SGCZ: variants seen among roughly 807,000 people sequenced by gnomAD.
The protein encoded by SGCZ is sarcoglycan zeta.
Under a neutral mutation model 41.3 loss-of-function variants are expected in SGCZ, and 40 were observed. The ratio of observed to expected loss-of-function variants is 0.97; its 90% CI spans 0.75 to 1.26. The LOEUF (loss-of-function observed/expected upper bound fraction) is 1.26, where lower values mean the gene tolerates loss of function less well. SGCZ is among the 50% of genes most tolerant of loss of function. The pLI, the probability that SGCZ is intolerant of heterozygous loss-of-function variation, is 0.00. For missense variants in SGCZ, 552 were observed against 369.8 expected (o/e 1.49, Z -4.04); for synonymous variants, 206 against 137.5 (o/e 1.50, Z -3.49).
At position 14,086,451 on chromosome 8, in the gene SGCZ, C is replaced by T. The variant is rs186018172; in HGVS notation, c.*3992G>A. On this transcript the variant is annotated 3_prime_UTR_variant, in exon 8 of 8. Transcript: ENST00000382080. ...CGAGGCATTCTCTGATTGAGTCATT[C>T]GATAGAATATGTAGGAATTTTGAAT... 1.2e-4 allele frequency among the ~76,000 whole-genome samples: 18 copies of T among 151,514 alleles called. No homozygotes were observed. The highest frequency in any genetic ancestry group is 1.8e-4 in the Non-Finnish European group (12 of 67,658).
At chr8:14,622,807 T>G (rs76793094) in intron 1 of SGCZ, among the ~76,000 whole-genome samples, 1,554 of 152,332 alleles carry the variant, frequency 0.01, 29 homozygotes, top group African/African-American at 0.036. Flanking sequence ...ATGTTATTAG[T>G]GGCTTCCAGT....
chr8:14,913,364 A>G (rs1563358617), intron 1 of SGCZ, among the ~76,000 whole-genome samples: 1 of 152,090 alleles, frequency 6.6e-6, no homozygotes, highest in African/African-American at 2.4e-5. Flanking sequence ...TCACAACTAT[A>G]TGGTCTTAGA....
intron 1 of SGCZ, among the ~76,000 whole-genome samples, chr8:14,823,055 TAAAAAAAAAAA>T (rs34307530): frequency 1.3e-5 from 1 of 75,488 alleles, no homozygotes; most frequent in Non-Finnish European, 2.6e-5. Context: ...CCAATCCTCA[TAAAAAAAAAAA>T]AAAAAAAAAA....
intron 2 of SGCZ, among the ~76,000 whole-genome samples, chr8:14,521,950 G>C (rs534313135): frequency 2.0e-5 from 3 of 152,172 alleles, no homozygotes; most frequent in East Asian, 3.9e-4. Flanking sequence ...CTCCTTTTCT[G>C]AGAGGCTTAA....
chr8:14,697,455 A>C (rs561136893), intron 1 of SGCZ, among the ~76,000 whole-genome samples: 48 of 152,108 alleles, frequency 3.2e-4, no homozygotes, highest in Non-Finnish European at 5.9e-4. Flanking sequence ...CACTTACAAT[A>C]CATTTGCATA....
chr8:14,803,370 C>A (rs920912005), intron 1 of SGCZ, among the ~76,000 whole-genome samples: 1 of 152,032 alleles, frequency 6.6e-6, no homozygotes, highest in Non-Finnish European at 1.5e-5. Flanking sequence ...AGTGGGTGCG[C>A]GCACCATGCG....
intron 1 of SGCZ, among the ~76,000 whole-genome samples, chr8:14,759,008 CAAA>C (rs760673509): frequency 8.9e-6 from 1 of 112,502 alleles, no homozygotes; most frequent in Non-Finnish European, 1.9e-5. Context: ...AACTCCATCT[CAAA>C]AAAAAAAAAA....
intron 1 of SGCZ, among the ~76,000 whole-genome samples, chr8:15,145,080 A>G (rs561432): frequency 0.96 from 145,924 of 152,174 alleles, 70,240 homozygotes; most frequent in East Asian, 1. Context: ...GATTGCACAG[A>G]GTCACAAGAC....
chr8:14,584,471 G>C (rs572646840), intron 1 of SGCZ, among the ~76,000 whole-genome samples: 182 of 152,222 alleles, frequency 1.2e-3, no homozygotes, highest in African/African-American at 4.2e-3. Context: ...AGGAATTTGA[G>C]CTAGTGACTA....
At chr8:14,733,534 A>G (rs182018581) in intron 1 of SGCZ, among the ~76,000 whole-genome samples, 2 of 152,308 alleles carry the variant, frequency 1.3e-5, no homozygotes, top group Non-Finnish European at 2.9e-5. Context: ...AAGAAGAAAA[A>G]TCCACTACTA....
intron 2 of SGCZ, among the ~76,000 whole-genome samples, chr8:14,459,232 A>C (rs1017222459): frequency 6.6e-6 from 1 of 152,022 alleles, no homozygotes; most frequent in East Asian, 1.9e-4. Context: ...ACACTTGGAC[A>C]CAGGAAGGGG....
chr8:14,892,962 G>A (rs2622331), intron 1 of SGCZ, among the ~76,000 whole-genome samples: 100,804 of 152,064 alleles, frequency 0.66, 35,287 homozygotes, highest in African/African-American at 0.9. Flanking sequence ...GGCCAGTCAT[G>A]ATGTAGTTAT....
At chr8:14,684,796 T>C (rs1343371306) in intron 1 of SGCZ, among the ~76,000 whole-genome samples, 2 of 151,968 alleles carry the variant, frequency 1.3e-5, no homozygotes, top group African/African-American at 2.4e-5. Context: ...AAATCTACAA[T>C]GCTTCATAAC....
At chr8:14,259,025 A>C (rs1199290458) in intron 3 of SGCZ, among the ~76,000 whole-genome samples, 1 of 152,182 alleles carries the variant, frequency 6.6e-6, no homozygotes, top group Non-Finnish European at 1.5e-5. Context: ...TTCCTGTTTG[A>C]TTCCAAAACG....
intron 1 of SGCZ, among the ~76,000 whole-genome samples, chr8:15,192,530 T>C (rs1434320413): frequency 2.0e-5 from 3 of 152,180 alleles, no homozygotes; most frequent in East Asian, 1.9e-4. Flanking sequence ...CTTTATGCTC[T>C]TCTACAACTT....
At chr8:15,210,185 A>G (rs548980087) in intron 1 of SGCZ, among the ~76,000 whole-genome samples, 158 of 152,300 alleles carry the variant, frequency 1.0e-3, no homozygotes, top group African/African-American at 3.7e-3. Flanking sequence ...TCCTACCATC[A>G]TCGAGCTGCA....
intron 1 of SGCZ, among the ~76,000 whole-genome samples, chr8:14,808,841 C>A (rs528678618): frequency 1.3e-4 from 19 of 151,644 alleles, no homozygotes; most frequent in African/African-American, 3.2e-4. Context: ...AAATGTCCAA[C>A]GATGATAGAC....
chr8:14,797,574 G>GA (rs1280505749), intron 1 of SGCZ, among the ~76,000 whole-genome samples: 1 of 152,142 alleles, frequency 6.6e-6, no homozygotes, highest in African/African-American at 2.4e-5. Flanking sequence ...CAATAGCAAA[G>GA]AAAAAACTAT....
intron 1 of SGCZ, among the ~76,000 whole-genome samples, chr8:15,193,166 T>G (rs59932851): frequency 0.083 from 12,647 of 152,102 alleles, 607 homozygotes; most frequent in Non-Finnish European, 0.11. Flanking sequence ...CTGATTCTAA[T>G]AGTTTAATGT....
Sources: gnomAD v4.1 joint callset for allele counts (sites outside exome capture counted in the v4.1 genomes callset) on GRCh38, gnomAD v4.1.1 for gene constraint, MANE v1.5 for transcripts, NCBI Gene and HGNC (gene_info 2026-07-23, HGNC 2026-07-21) for gene names.